ATAD2: variants seen among roughly 807,000 people sequenced by gnomAD.
The protein encoded by ATAD2 is ATPase family AAA domain-containing protein 2.
Under a neutral mutation model 168.9 loss-of-function variants are expected in ATAD2, and 62 were observed. The observed-to-expected ratio is 0.37, with a 90% CI of 0.30 to 0.45. The LOEUF (loss-of-function observed/expected upper bound fraction) is 0.45, where lower values mean the gene tolerates loss of function less well. Ranked by LOEUF, ATAD2 falls within the 20% of genes least tolerant of loss-of-function variation. ATAD2 has a pLI of 1.00. For missense variants in ATAD2, 1,419 were observed against 1,667.8 expected, an observed-to-expected ratio of 0.85 and a Z score of 2.60; for synonymous variants, 613 against 571.6, an observed-to-expected ratio of 1.07 and a Z score of -1.03.
chr8:123,396,038 G>T, intron 1 of ATAD2, 149 bp downstream of exon 1: 1 of 933,696 alleles, frequency 1.1e-6, no homozygotes, highest in Non-Finnish European at 1.5e-6. Context: ...GATCCCGAGA[G>T]CTTCCATTTT....
intron 2 of ATAD2, 141 bp from the exon 3 acceptor site, chr8:123,372,827 A>C: frequency 8.8e-5 from 50 of 567,568 alleles, no homozygotes; most frequent in Admixed American, 1.1e-4. Flanking sequence ...TGCTGGGCTC[A>C]AGCAATACCT....
At chr8:123,327,992 T>A (rs1209118406) in intron 25 of ATAD2, among the ~76,000 whole-genome samples, 198 bp downstream of exon 25, 2 of 152,164 alleles carry the variant, frequency 1.3e-5, no homozygotes, top group Non-Finnish European at 2.9e-5. Flanking sequence ...GAGGCTCAAA[T>A]CTAGGTCTGT....
Position 123,321,079 on chromosome 8 carries a change from C to A in ATAD2, c.*55G>T. The A allele has an allele frequency of 6.6e-7, 1 of 1,525,880 alleles. No homozygotes were observed. The highest frequency in any genetic ancestry group is 9.0e-7 in the Non-Finnish European group (1 of 1,111,378). 94.5% of individuals were successfully genotyped at this position (1,525,880 alleles called of 1,614,324 possible). On this transcript the variant is annotated 3_prime_UTR_variant, in exon 28 of 28. Coordinates refer to ENST00000287394, the MANE Select transcript of ATAD2 (RefSeq NM_014109.4). ...TACTACATCAATTAGGCGGACATGA[C>A]AAAAATGACTTAAATAGGAACTGAA...
At chr8:123,398,329 C>T (rs1812949904), upstream of ATAD2, among the ~76,000 whole-genome samples, 1 of 147,038 alleles carries the variant, frequency 6.8e-6, no homozygotes, top group South Asian at 2.1e-4. Context: ...CTCCCGGGTT[C>T]AAGCGATTGT....
chr8:123,357,014 A>G (rs1175297245), intron 12 of ATAD2, among the ~76,000 whole-genome samples: 2 of 152,222 alleles, frequency 1.3e-5, no homozygotes, highest in African/African-American at 4.8e-5. Context: ...AATAGAAGAC[A>G]GTGACATAGT....
chr8:123,414,826 A>G lies in ATAD2; in HGVS notation c.-2282+1422T>C, dbSNP rs569317710. Among the ~76,000 whole-genome samples, 10 of 152,340 alleles carry G rather than the reference A, an allele frequency of 6.6e-5. No individual in the cohort carries two copies. The East Asian group carries it at 1.9e-3, about 29-fold the overall frequency. ...TGAGTCTGGGGCTGGGGCAGACTCC[A>G]CAAGGATGTTCTCACCACTACACCT... On this transcript the variant is annotated intron_variant, in intron 1 of 28. Coordinates refer to the ATAD2 transcript ENST00000521903.
chr8:123,362,300 TAAAAAA>T (rs58362261), intron 8 of ATAD2, among the ~76,000 whole-genome samples: 7 of 133,752 alleles, frequency 5.2e-5, no homozygotes, highest in Non-Finnish European at 1.1e-4. Context: ...TGCCTCTATC[TAAAAAA>T]AAAAAAAAAA....
intron 2 of ATAD2, among the ~76,000 whole-genome samples, chr8:123,375,783 C>CTTG (rs1157519598): frequency 2.0e-5 from 3 of 152,108 alleles, no homozygotes; most frequent in Non-Finnish European, 4.4e-5. Context: ...CCAGCCTGGC[C>CTTG]AACATGGTGA....
At chr8:123,335,488 C>T (rs539943600) in intron 22 of ATAD2, among the ~76,000 whole-genome samples, 2 of 152,136 alleles carry the variant, frequency 1.3e-5, no homozygotes, top group Non-Finnish European at 2.9e-5. Flanking sequence ...AGCCAATGTA[C>T]TGGAGGAGAA....
At chr8:123,409,404 C>G (rs572187715) in intron 1 of ATAD2, among the ~76,000 whole-genome samples, 1 of 152,176 alleles carries the variant, frequency 6.6e-6, no homozygotes, top group African/African-American at 2.4e-5. Context: ...TTGAAATGAT[C>G]GCTTTAACTT....
In ATAD2 at chr8:123,321,080, A is replaced by G; in HGVS notation, c.*54T>C. 1 of 1,533,314 alleles carries G rather than the reference A, an allele frequency of 6.5e-7. No individual in the cohort carries two copies. 95.0% of individuals were successfully genotyped at this position (1,533,314 alleles called of 1,614,324 possible). ...ACTACATCAATTAGGCGGACATGAC[A>G]AAAATGACTTAAATAGGAACTGAAT... is the stretch of plus-strand genomic sequence containing the variant. On this transcript the variant is annotated 3_prime_UTR_variant, in exon 28 of 28. Transcript: ENST00000287394.
chr8:123,334,176 A>C, intron 23 of ATAD2, 24 bp downstream of exon 23: 1 of 1,565,716 alleles, frequency 6.4e-7, no homozygotes, highest in Non-Finnish European at 8.6e-7. Flanking sequence ...AGGTTGGTAC[A>C]AATCAACCAA....
At chr8:123,367,482 A>G (rs1212280688) in intron 8 of ATAD2, among the ~76,000 whole-genome samples, 1 of 152,146 alleles carries the variant, frequency 6.6e-6, no homozygotes, top group Non-Finnish European at 1.5e-5. Flanking sequence ...GTACTGCTGG[A>G]TCAAACAGAG....
chr8:123,367,193 C>T (rs993206622), intron 8 of ATAD2, among the ~76,000 whole-genome samples: 3 of 152,058 alleles, frequency 2.0e-5, no homozygotes, highest in African/African-American at 7.2e-5. Context: ...GTGGGTGGAT[C>T]ACCTGAGGTC....
At chr8:123,370,273 T>A (rs1829111600) in intron 6 of ATAD2, among the ~76,000 whole-genome samples, 1 of 151,998 alleles carries the variant, frequency 6.6e-6, no homozygotes, top group South Asian at 2.1e-4. Context: ...GAGAAAGAAG[T>A]TTGAAGGCTA....
rs141303782 is a variant in ATAD2 at position 123,393,460 on chromosome 8, C to T, written c.171+2727G>A. Among the ~76,000 whole-genome samples the T allele has an allele frequency of 2.9e-3, 435 of 150,034 alleles. 3 individuals carry two copies. The highest frequency in any genetic ancestry group is 0.01 in the African/African-American group (412 of 40,790). ...GGGAGGTTGAGGCTGCAGTGAGCCACGTTGGTGCCACTGCACTCTAACCTG... is the reference window on the plus strand; with the variant it reads ...GGGAGGTTGAGGCTGCAGTGAGCCATGTTGGTGCCACTGCACTCTAACCTG... On this transcript the variant is annotated intron_variant, in intron 1 of 27. Coordinates refer to ENST00000287394, the MANE Select transcript of ATAD2 (RefSeq NM_014109.4).
Position 123,346,607 on chromosome 8 carries a change from GAAA to G in ATAD2, c.2345+8_2345+10del. ...ACATGCAAAAAACATTGATTTGCAA[GAAA>G]AATATACCTATTCAAATGAAGAAAA... On this transcript the variant is annotated splice_region_variant and intron_variant, in intron 17 of 27. Transcript: ENST00000287394. The G allele has an allele frequency of 6.6e-7, 1 of 1,520,438 alleles. No homozygotes were observed. The highest frequency in any genetic ancestry group is 8.8e-7 in the Non-Finnish European group (1 of 1,130,766). 94.2% of individuals were successfully genotyped at this position (1,520,438 alleles called of 1,614,324 possible).
intron 1 of ATAD2, among the ~76,000 whole-genome samples, chr8:123,412,160 C>G (rs1421565520): frequency 6.6e-6 from 1 of 152,146 alleles, no homozygotes; most frequent in African/African-American, 2.4e-5. Context: ...ATATGGCCCC[C>G]AATAAGACAT....
chr8:123,362,361 A>G lies in ATAD2; in HGVS notation c.1050-715T>C, dbSNP rs186563351. On this transcript the variant is annotated intron_variant, in intron 8 of 27. Coordinates refer to ENST00000287394, the MANE Select transcript of ATAD2 (RefSeq NM_014109.4). ...TTGAAACTATTTTCAATATTACACT[A>G]TACATAATATTCACATTTGGGAGGA... is the stretch of plus-strand genomic sequence containing the variant. 3.4e-3 allele frequency among the ~76,000 whole-genome samples: 521 copies of G among 151,512 alleles called. 1 individual carries two copies. The highest frequency in any genetic ancestry group is 7.0e-3 in the Middle Eastern group (2 of 284).
Sources: gnomAD v4.1 joint callset for allele counts (sites outside exome capture counted in the v4.1 genomes callset) on GRCh38, gnomAD v4.1.1 for gene constraint, MANE v1.5 for transcripts, NCBI Gene and HGNC (gene_info 2026-07-23, HGNC 2026-07-21) for gene names.